Variants in SLC30A8 observed in about 807,000 individuals in gnomAD.
The protein encoded by SLC30A8 is solute carrier family 30 member 8.
Under a neutral mutation model 36.9 loss-of-function variants are expected in SLC30A8, and 27 were observed. The ratio of observed to expected loss-of-function variants is 0.73; its 90% CI spans 0.54 to 1.01. The LOEUF (loss-of-function observed/expected upper bound fraction) is 1.01. SLC30A8 is among the 50% of genes least tolerant of loss of function. The pLI, the probability that SLC30A8 is intolerant of heterozygous loss-of-function variation, is 0.00. For synonymous variants in SLC30A8, 164 were observed against 172.4 expected (o/e 0.95, Z 0.38); for missense variants, 439 against 452.0 (o/e 0.97, Z 0.26).
At chr8:116,970,587 A>G (rs746362204) in intron 1 of SLC30A8, among the ~76,000 whole-genome samples, 3 of 152,190 alleles carry the variant, frequency 2.0e-5, no homozygotes, top group African/African-American at 7.2e-5. Flanking sequence ...CTATAACTTT[A>G]TAATGGCTAT....
At chr8:117,147,519 G>A (rs1586586641) in intron 2 of SLC30A8, 1 of 180,770 alleles carries the variant, frequency 5.5e-6, no homozygotes, top group East Asian at 1.4e-4. Flanking sequence ...ATGCTCCACT[G>A]TAATTTACAT....
chr8:117,015,897 C>T (rs1311994996), intron 1 of SLC30A8, among the ~76,000 whole-genome samples: 1 of 152,092 alleles, frequency 6.6e-6, no homozygotes, highest in Non-Finnish European at 1.5e-5. Flanking sequence ...ATTTATTGAA[C>T]ATTCAGAACA....
At chr8:117,006,581 C>T (rs1816177078) in intron 1 of SLC30A8, among the ~76,000 whole-genome samples, 1 of 152,024 alleles carries the variant, frequency 6.6e-6, no homozygotes, top group African/African-American at 2.4e-5. Flanking sequence ...CTGACAATTT[C>T]AGCCTCTCTA....
chr8:117,113,617 T>C (rs1820324359), intron 2 of SLC30A8, among the ~76,000 whole-genome samples: 1 of 152,180 alleles, frequency 6.6e-6, no homozygotes, highest in Admixed American at 6.6e-5. Context: ...CATTCTTATC[T>C]CTACCATTCA....
At chr8:116,968,657 A>ATATG (rs887983186) in intron 1 of SLC30A8, among the ~76,000 whole-genome samples, 6 of 151,390 alleles carry the variant, frequency 4.0e-5, no homozygotes, top group Non-Finnish European at 5.9e-5. Context: ...GAATATATAT[A>ATATG]TATATATATT....
intron 6 of SLC30A8, among the ~76,000 whole-genome samples, chr8:117,166,325 A>G (rs1206133868): frequency 6.6e-6 from 1 of 152,196 alleles, no homozygotes; most frequent in Non-Finnish European, 1.5e-5. Flanking sequence ...GATTATATTT[A>G]CAAGGTGATT....
At chr8:117,110,612 C>G (rs1294870987) in intron 2 of SLC30A8, among the ~76,000 whole-genome samples, 1 of 152,118 alleles carries the variant, frequency 6.6e-6, no homozygotes, top group Non-Finnish European at 1.5e-5. Flanking sequence ...GATAAAGTGT[C>G]CTGAGCCCCA....
chr8:117,161,239 GA>G (rs1822777667), intron 4 of SLC30A8, among the ~76,000 whole-genome samples: 1 of 152,122 alleles, frequency 6.6e-6, no homozygotes, highest in African/African-American at 2.4e-5. Flanking sequence ...AAATTCTTTT[GA>G]AAATGCACAA....
At chr8:117,108,791 G>A (rs1055601150) in intron 2 of SLC30A8, among the ~76,000 whole-genome samples, 7 of 152,176 alleles carry the variant, frequency 4.6e-5, no homozygotes, top group African/African-American at 1.7e-4. Flanking sequence ...TCAGAATTGA[G>A]CAACAGGATC....
intron 4 of SLC30A8, among the ~76,000 whole-genome samples, chr8:117,159,872 T>G (rs1822687009): frequency 6.6e-6 from 1 of 152,208 alleles, no homozygotes; most frequent in Admixed American, 6.5e-5. Flanking sequence ...ATGATCAGGT[T>G]TGATTTTCTA....
chr8:116,996,886 G>C (rs1049144789), intron 1 of SLC30A8, among the ~76,000 whole-genome samples: 13 of 151,932 alleles, frequency 8.6e-5, no homozygotes. Flanking sequence ...ATGAAAACTT[G>C]GCCCAACTCC....
chr8:117,020,061 C>A (rs766238703), intron 1 of SLC30A8, among the ~76,000 whole-genome samples: 1 of 152,098 alleles, frequency 6.6e-6, no homozygotes, highest in Admixed American at 6.6e-5. Flanking sequence ...ATTGCCTGTC[C>A]GCCTCAGTGC....
At chr8:117,018,955 G>A (rs1053203134) in intron 1 of SLC30A8, among the ~76,000 whole-genome samples, 13 of 152,224 alleles carry the variant, frequency 8.5e-5, no homozygotes, top group Admixed American at 2.6e-4. Flanking sequence ...GAGCCACTGC[G>A]CCCAGCCCAC....
At chr8:117,082,489 C>T (rs139048763) in intron 2 of SLC30A8, among the ~76,000 whole-genome samples, 132 of 152,152 alleles carry the variant, frequency 8.7e-4, no homozygotes, top group African/African-American at 2.9e-3. Flanking sequence ...TTTTCAGGTA[C>T]CAAAAATTCA....
At chr8:117,069,882 C>T (rs528401192) in intron 2 of SLC30A8, among the ~76,000 whole-genome samples, 10 of 152,316 alleles carry the variant, frequency 6.6e-5, no homozygotes, top group South Asian at 2.1e-4. Context: ...GCCACACACA[C>T]GCTGGAAGTA....
rs372051955 is a variant in SLC30A8 at position 117,129,313 on chromosome 8, A to C, written c.-225-5967A>C. ...TTGTGTTTATTAAAAAATTAGGAGA[A>C]ATGACTGTATGGTATAAAGTGGATT... is the stretch of plus-strand genomic sequence containing the variant. On this transcript the variant is annotated intron_variant, in intron 2 of 10. Transcript: ENST00000427715. 2.0e-4 allele frequency among the ~76,000 whole-genome samples: 30 copies of C among 152,122 alleles called. No individual in the cohort carries two copies. In the East Asian group the frequency reaches 5.8e-3, roughly 30 times the overall value.
intron 2 of SLC30A8, among the ~76,000 whole-genome samples, chr8:117,079,876 C>T (rs1348798213): frequency 2.0e-5 from 3 of 152,170 alleles, no homozygotes; most frequent in Non-Finnish European, 2.9e-5. Flanking sequence ...TTTGTTTAGA[C>T]TAACTTGAAT....
intron 1 of SLC30A8, among the ~76,000 whole-genome samples, chr8:117,038,438 A>G (rs1456867113): frequency 2.0e-5 from 3 of 152,206 alleles, no homozygotes; most frequent in South Asian, 2.1e-4. Flanking sequence ...CAATTTAACA[A>G]TGGATCTTGG....
intron 1 of SLC30A8, among the ~76,000 whole-genome samples, chr8:117,016,937 A>G (rs577518142): frequency 6.6e-6 from 1 of 152,060 alleles, no homozygotes; most frequent in South Asian, 2.1e-4. Context: ...TGCTCACAAC[A>G]AGATAAAGCT....
Sources: gnomAD v4.1 joint callset for allele counts (sites outside exome capture counted in the v4.1 genomes callset) on GRCh38, gnomAD v4.1.1 for gene constraint, MANE v1.5 for transcripts, NCBI Gene and HGNC (gene_info 2026-07-23, HGNC 2026-07-21) for gene names.